Variants in AUTS2 observed in about 807,000 individuals in gnomAD.
AUTS2 encodes the protein activator of transcription and developmental regulator AUTS2, also known as autism susceptibility gene 2 protein.
A neutral mutation model predicts 112.4 loss-of-function variants in AUTS2; 17 were observed. That is an observed-to-expected ratio of 0.15 (90% confidence interval 0.10 to 0.23). AUTS2 has a LOEUF of 0.23. Among genes scored for constraint, AUTS2 ranks in the 10% least tolerant of loss-of-function variants. AUTS2 has a pLI of 1.00. For missense variants in AUTS2, 1,510 were observed against 1,701.6 expected, an observed-to-expected ratio of 0.89 and a Z score of 1.98; for synonymous variants, 751 against 702.7, an observed-to-expected ratio of 1.07 and a Z score of -1.09.
intron 5 of AUTS2, among the ~76,000 whole-genome samples, chr7:70,532,401 T>C (rs1800133767): frequency 6.6e-6 from 1 of 152,196 alleles, no homozygotes; most frequent in Non-Finnish European, 1.5e-5. Context: ...ATTACAGATT[T>C]ATTCCTTTGG....
chr7:70,299,266 C>A (rs1244692002), intron 4 of AUTS2, among the ~76,000 whole-genome samples: 1 of 152,164 alleles, frequency 6.6e-6, no homozygotes, highest in Admixed American at 6.5e-5. Context: ...ACATTTAGGT[C>A]ATCTTACCTA....
chr7:69,783,670 G>A (rs969605982), intron 1 of AUTS2, among the ~76,000 whole-genome samples: 11 of 152,202 alleles, frequency 7.2e-5, no homozygotes, highest in Admixed American at 1.3e-4. Flanking sequence ...TAAAAATGCT[G>A]TTAGCAAGCT....
chr7:70,342,036 C>T (rs1791287495), intron 4 of AUTS2, among the ~76,000 whole-genome samples: 1 of 152,174 alleles, frequency 6.6e-6, no homozygotes, highest in African/African-American at 2.4e-5. Flanking sequence ...CAAATGCATT[C>T]GGGGCCTGGG....
At chr7:69,795,744 C>T (rs1283986717) in intron 1 of AUTS2, among the ~76,000 whole-genome samples, 3 of 152,140 alleles carry the variant, frequency 2.0e-5, no homozygotes, top group Non-Finnish European at 4.4e-5. Flanking sequence ...GAAATATTTG[C>T]ATATTAGTCT....
intron 4 of AUTS2, among the ~76,000 whole-genome samples, chr7:70,281,100 A>C (rs1788194297): frequency 6.6e-6 from 1 of 152,136 alleles, no homozygotes; most frequent in South Asian, 2.1e-4. Context: ...CAAACTATGA[A>C]CTTTATGGAT....
At chr7:70,516,751 A>T (rs1799432846) in intron 5 of AUTS2, among the ~76,000 whole-genome samples, 1 of 152,238 alleles carries the variant, frequency 6.6e-6, no homozygotes, top group South Asian at 2.1e-4. Context: ...GTACAAATAT[A>T]ACTTATTAAT....
At chr7:70,731,574 TGCCC>T (rs1184544583) in intron 6 of AUTS2, among the ~76,000 whole-genome samples, 36 of 151,670 alleles carry the variant, frequency 2.4e-4, no homozygotes, top group Admixed American at 1.2e-3. Flanking sequence ...GTACTACAGG[TGCCC>T]GCCACCATGC....
intron 3 of AUTS2, chr7:70,120,290 A>G (rs1469989745): frequency 6.6e-6 from 1 of 152,154 alleles, no homozygotes; most frequent in Non-Finnish European, 1.5e-5. Flanking sequence ...ATGTTATTTT[A>G]ATATATTAGT....
intron 1 of AUTS2, among the ~76,000 whole-genome samples, chr7:69,747,404 G>C (rs906091477): frequency 6.6e-6 from 1 of 152,210 alleles, no homozygotes; most frequent in African/African-American, 2.4e-5. Context: ...GTGTTAATAA[G>C]TTCTTAGTAA....
At chr7:70,171,785 T>A (rs1215598165) in intron 4 of AUTS2, among the ~76,000 whole-genome samples, 1 of 152,196 alleles carries the variant, frequency 6.6e-6, no homozygotes, top group Non-Finnish European at 1.5e-5. Context: ...GAAATGAATT[T>A]TTGTCAGCAG....
At chr7:69,996,600 A>C (rs1798951411) in intron 2 of AUTS2, among the ~76,000 whole-genome samples, 1 of 152,090 alleles carries the variant, frequency 6.6e-6, no homozygotes, top group Admixed American at 6.6e-5. Flanking sequence ...TACATGAATT[A>C]ATTTTCTCCT....
rs7781341 is a variant in AUTS2, at chr7:70,776,515, G to A, written c.1933-588G>A. 2.2e-3 allele frequency among the ~76,000 whole-genome samples: 340 copies of A among 152,258 alleles called. 5 individuals carry two copies. Among genetic ancestry groups the A allele is most frequent in the African/African-American group, 7.0e-3 (291 of 41,546 alleles). On this transcript the variant is annotated intron_variant, in intron 13 of 18. Coordinates refer to ENST00000342771, the MANE Select transcript of AUTS2 (RefSeq NM_015570.4). Reference sequence around the variant, plus strand: ...CTCTTTGTTTCTTTCTTTAAACTTAGGAACAGCGCCCACCAACACGAATGG... The same window carrying A: ...CTCTTTGTTTCTTTCTTTAAACTTAAGAACAGCGCCCACCAACACGAATGG...
At chr7:70,147,939 A>G (rs537776504) in intron 4 of AUTS2, among the ~76,000 whole-genome samples, 1 of 152,070 alleles carries the variant, frequency 6.6e-6, no homozygotes, top group Admixed American at 6.6e-5. Context: ...TGTTCCCAAA[A>G]TATCCCAAAG....
intron 4 of AUTS2, among the ~76,000 whole-genome samples, chr7:70,265,968 T>C (rs1253148643): frequency 6.6e-6 from 1 of 152,116 alleles, no homozygotes; most frequent in Non-Finnish European, 1.5e-5. Flanking sequence ...GTGACTACAG[T>C]GTGGATGTTG....
chr7:70,038,433 A>C (rs1240782521), intron 2 of AUTS2, among the ~76,000 whole-genome samples: 1 of 152,204 alleles, frequency 6.6e-6, no homozygotes, highest in Non-Finnish European at 1.5e-5. Flanking sequence ...ATAACTGGTC[A>C]TAGGCAGAGA....
chr7:69,694,788 C>A (rs1201655599), intron 1 of AUTS2, among the ~76,000 whole-genome samples: 1 of 152,184 alleles, frequency 6.6e-6, no homozygotes, highest in Non-Finnish European at 1.5e-5. Context: ...CATTATTTTA[C>A]AAGGTGGCCT....
chr7:69,762,962 C>G (rs1172970471), intron 1 of AUTS2, among the ~76,000 whole-genome samples: 1 of 152,058 alleles, frequency 6.6e-6, no homozygotes, highest in Non-Finnish European at 1.5e-5. Context: ...TAATATAGAG[C>G]CCATTCCACC....
At chr7:70,489,746 T>G (rs1798162206) in intron 5 of AUTS2, among the ~76,000 whole-genome samples, 1 of 152,180 alleles carries the variant, frequency 6.6e-6, no homozygotes, top group Admixed American at 6.5e-5. Flanking sequence ...ATGGCCCATA[T>G]CCTCATGAAG....
At chr7:69,959,981 T>A (rs1408398705) in intron 2 of AUTS2, among the ~76,000 whole-genome samples, 1 of 152,140 alleles carries the variant, frequency 6.6e-6, no homozygotes, top group Non-Finnish European at 1.5e-5. Flanking sequence ...AGGCCTATTT[T>A]TTTTTAATCT....
Sources: gnomAD v4.1 joint callset for allele counts (sites outside exome capture counted in the v4.1 genomes callset) on GRCh38, gnomAD v4.1.1 for gene constraint, MANE v1.5 for transcripts, NCBI Gene and HGNC (gene_info 2026-07-23, HGNC 2026-07-21) for gene names.